Variants in CFAP97D2 observed in about 807,000 individuals in gnomAD.
CFAP97D2 encodes uncharacterized protein CFAP97D2.
rs373387214 is a variant in CFAP97D2 at position 114,198,991 on chromosome 13, A to G, written c.172-1334A>G. Among the ~76,000 whole-genome samples, 57 of 22,422 alleles carry G rather than the reference A, an allele frequency of 2.5e-3. 4 individuals are homozygous for G. Among genetic ancestry groups the G allele is most frequent in the East Asian group, 7.3e-3 (3 of 412 alleles). The allele number at this position is 22,422 out of a possible 152,430, so 14.7% of individuals were successfully genotyped here. A position where few individuals can be genotyped will look rare whatever the true frequency, so the allele number is the denominator to read the frequency against. On this transcript the variant is annotated intron_variant, in intron 2 of 4. Coordinates refer to ENST00000646158, the Ensembl canonical transcript of CFAP97D2. ...GGTACGGTCCCCACTGAGGCGTGAC[A>G]GCGCGTCCCCGTGTGTACGGTCCCC...
chr13:114,214,281 A>T (rs1425403684), intron 4 of CFAP97D2: 1 of 152,250 alleles, frequency 6.6e-6, no homozygotes, highest in East Asian at 1.9e-4. Flanking sequence ...AGTGAAGAGA[A>T]CAAGTACCTG....
intron 1 of CFAP97D2, among the ~76,000 whole-genome samples, chr13:114,181,541 C>CG (rs2080832618): frequency 6.6e-6 from 1 of 152,056 alleles, no homozygotes; most frequent in Admixed American, 6.6e-5. Context: ...GAGGAGCAGC[C>CG]GGGGCTGGAA....
intron 2 of CFAP97D2, among the ~76,000 whole-genome samples, chr13:114,199,134 A>G (rs371063429): frequency 0.041 from 404 of 9,784 alleles, 18 homozygotes; most frequent in African/African-American, 0.096. Context: ...TACGGTCCCC[A>G]CTGAGGCGTG....
At chr13:114,197,054 G>A (rs1262455752) in intron 2 of CFAP97D2, among the ~76,000 whole-genome samples, 1 of 152,180 alleles carries the variant, frequency 6.6e-6, no homozygotes, top group African/African-American at 2.4e-5. Flanking sequence ...TTCTTATCAT[G>A]CAGATGAAGC....
intron 2 of CFAP97D2, among the ~76,000 whole-genome samples, chr13:114,198,694 G>T (rs111232113): frequency 0.11 from 9,289 of 82,422 alleles, 1,633 homozygotes; most frequent in African/African-American, 0.32. Context: ...GTCCCCGTGC[G>T]TACGGTCCCC....
chr13:114,219,592 G>A (rs550385190), intron 4 of CFAP97D2, among the ~76,000 whole-genome samples: 1 of 152,342 alleles, frequency 6.6e-6, no homozygotes, highest in East Asian at 1.9e-4. Context: ...TGCAGCCACA[G>A]ACCAGTCACT....
chr13:114,197,166 C>A (rs2080892154), intron 2 of CFAP97D2, among the ~76,000 whole-genome samples: 1 of 152,094 alleles, frequency 6.6e-6, no homozygotes, highest in Admixed American at 6.5e-5. Context: ...AGGAAAAAGA[C>A]CTGGAAAGGG....
rs560403817 is a variant in CFAP97D2 at position 114,182,182 on chromosome 13, A to G, written c.90+2762A>G. Among the ~76,000 whole-genome samples, 15 of 142,718 alleles carry G rather than the reference A, an allele frequency of 1.1e-4. 2 individuals carry two copies. The highest frequency in any genetic ancestry group is 2.9e-4 in the African/African-American group (11 of 37,882). 93.6% of individuals were successfully genotyped at this position (142,718 alleles called of 152,430 possible). On this transcript the variant is annotated intron_variant, in intron 1 of 4. Coordinates refer to ENST00000646158, the Ensembl canonical transcript of CFAP97D2. ...AAGGTCAGCAAAAAACGTGAGCAAAAGAGTCTATGTCGTAATTAAGTTCAA... is the reference window on the plus strand; with the variant it reads ...AAGGTCAGCAAAAAACGTGAGCAAAGGAGTCTATGTCGTAATTAAGTTCAA...
chr13:114,196,551 A>G (rs903481459), intron 2 of CFAP97D2, 75 bp downstream of exon 2: 2 of 398,068 alleles, frequency 5.0e-6, no homozygotes, highest in African/African-American at 2.1e-5. Flanking sequence ...AGGAAAATAG[A>G]AAAGGCAGGG....
chr13:114,197,320 T>C (rs1009082022), intron 2 of CFAP97D2, among the ~76,000 whole-genome samples: 2 of 152,258 alleles, frequency 1.3e-5, no homozygotes, highest in Admixed American at 6.5e-5. Flanking sequence ...TGGTATCTTA[T>C]TGCTACAAAG....
intron 1 of CFAP97D2, among the ~76,000 whole-genome samples, chr13:114,183,163 A>ATTATTTATTTATTTAT (rs569807563): frequency 8.5e-5 from 13 of 152,088 alleles, no homozygotes; most frequent in Admixed American, 4.6e-4. Context: ...ACAGATTGTC[A>ATTATTTATTTATTTAT]TTATTTATTT....
intron 3 of CFAP97D2, among the ~76,000 whole-genome samples, chr13:114,204,646 G>T (rs2080931714): frequency 6.6e-6 from 1 of 152,116 alleles, no homozygotes; most frequent in African/African-American, 2.4e-5. Context: ...AATGAAGTTG[G>T]ACTCTCACCT....
intron 1 of CFAP97D2, among the ~76,000 whole-genome samples, chr13:114,194,208 G>A (rs1168213172): frequency 1.3e-5 from 2 of 152,104 alleles, no homozygotes; most frequent in Non-Finnish European, 2.9e-5. Context: ...ATGGATCTAG[G>A]ATCATTCACT....
intron 4 of CFAP97D2, among the ~76,000 whole-genome samples, chr13:114,221,233 C>T (rs566953781): frequency 3.9e-5 from 6 of 152,260 alleles, no homozygotes; most frequent in East Asian, 1.9e-4. Context: ...GGCGACAGAG[C>T]GAGACTACGT....
At chr13:114,218,544 AC>A (rs1029117291) in intron 4 of CFAP97D2, among the ~76,000 whole-genome samples, 32 of 152,186 alleles carry the variant, frequency 2.1e-4, no homozygotes, top group African/African-American at 7.5e-4. Context: ...TTCATATGGA[AC>A]CAAAAAAGAG....
At chr13:114,212,852 A>AAAAT (rs143269709) in intron 4 of CFAP97D2, among the ~76,000 whole-genome samples, 9,865 of 152,204 alleles carry the variant, frequency 0.065, 531 homozygotes, top group African/African-American at 0.13. Flanking sequence ...ACTCCGTCTC[A>AAAAT]AAATAAATAA....
chr13:114,209,498 C>G (rs2080957026), intron 3 of CFAP97D2, among the ~76,000 whole-genome samples: 1 of 152,156 alleles, frequency 6.6e-6, no homozygotes, highest in Non-Finnish European at 1.5e-5. Context: ...CTAGAGTGTT[C>G]GTGTAGGCCT....
In CFAP97D2 at chr13:114,211,872, TA is replaced by T. The variant is rs1484688325; in HGVS notation, c.291-36del. 16 of 398,524 alleles carry T rather than the reference TA, an allele frequency of 4.0e-5. No individual in the cohort carries two copies. Among genetic ancestry groups the T allele is most frequent in the Non-Finnish European group, 7.1e-5 (16 of 226,108 alleles). 24.7% of individuals were successfully genotyped at this position (398,524 alleles called of 1,614,324 possible). On this transcript the variant is annotated intron_variant, in intron 3 of 4. Coordinates refer to ENST00000646158, the Ensembl canonical transcript of CFAP97D2. This position sits in a 1 kb window ranked among gnomAD's most constrained non-coding sequence, Gnocchi z 4.2. ...CCTGTGGAGGGAATGGCAGCCTTAA[TA>T]AAATCCAAATTTCAAAATGTGTGTG... is the stretch of plus-strand genomic sequence containing the variant.
chr13:114,179,340 G>GC lies in CFAP97D2; in HGVS notation c.16dup (p.Arg6ProfsTer9), dbSNP rs1330972235. ...CGATTTTGTTGCTGAGATGCACGGA[G>GC]CCCCCCGGCTGACCTTTCCCTGTGC... is the stretch of plus-strand genomic sequence containing the variant. On this transcript the variant is annotated frameshift_variant, in exon 1 of 5. Coordinates refer to ENST00000646158, the Ensembl canonical transcript of CFAP97D2. LOFTEE classifies it high-confidence loss of function. This position sits in a 1 kb window ranked among gnomAD's most constrained non-coding sequence, Gnocchi z 4.8. The GC allele has an allele frequency of 1.3e-5, 5 of 398,682 alleles. No homozygotes were observed. The East Asian group carries it at 1.8e-4, about 14-fold the overall frequency. 24.7% of individuals were successfully genotyped at this position (398,682 alleles called of 1,614,324 possible).
Sources: gnomAD v4.1 joint callset for allele counts (sites outside exome capture counted in the v4.1 genomes callset) on GRCh38, gnomAD v4.1.1 for gene constraint, Gnocchi (gnomAD v3.1) non-coding constraint, MANE v1.5 for transcripts, NCBI Gene and HGNC (gene_info 2026-07-23, HGNC 2026-07-21) for gene names.